The following DLGAP1 variants were observed in gnomAD, a reference collection of about 807,000 sequenced individuals.
DLGAP1 encodes the protein DLG associated protein 1, also known as disks large-associated protein 1.
Under a neutral mutation model 90.8 loss-of-function variants are expected in DLGAP1, and 11 were observed. The observed-to-expected ratio is 0.12, with a 90% CI of 0.08 to 0.20. The LOEUF is 0.20. Ranked by LOEUF, DLGAP1 falls within the 10% of genes least tolerant of loss-of-function variation. DLGAP1 has a pLI of 1.00. For synonymous variants in DLGAP1, 558 were observed against 540.7 expected, an observed-to-expected ratio of 1.03 and a Z score of -0.44; for missense variants, 1,050 against 1,333.8, an observed-to-expected ratio of 0.79 and a Z score of 3.31.
At chr18:4,048,067 G>A (rs1273912468) in intron 2 of DLGAP1, among the ~76,000 whole-genome samples, 2 of 152,070 alleles carry the variant, frequency 1.3e-5, no homozygotes, top group East Asian at 3.8e-4. Context: ...CAAAGTGCTG[G>A]GATTGCAGGC....
chr18:3,975,941 G>A (rs1286958419), intron 3 of DLGAP1, among the ~76,000 whole-genome samples: 2 of 152,128 alleles, frequency 1.3e-5, no homozygotes. Flanking sequence ...GGAAGTCAGT[G>A]TTTAAGGGGT....
chr18:4,415,357 T>C (rs771216818), intron 1 of DLGAP1, among the ~76,000 whole-genome samples: 23 of 152,170 alleles, frequency 1.5e-4, no homozygotes, highest in Non-Finnish European at 2.9e-4. Flanking sequence ...ACAATGTTTA[T>C]AAAATAAAAG....
intron 1 of DLGAP1, among the ~76,000 whole-genome samples, chr18:4,244,999 A>G (rs1053175753): frequency 2.0e-5 from 3 of 152,196 alleles, no homozygotes; most frequent in African/African-American, 7.2e-5. Flanking sequence ...TAAATATAGC[A>G]AGATTAAATC....
chr18:3,581,602 C>T (rs2055516058), intron 8 of DLGAP1, among the ~76,000 whole-genome samples: 1 of 150,488 alleles, frequency 6.6e-6, no homozygotes, highest in South Asian at 2.1e-4. Flanking sequence ...CCAGCCCCTA[C>T]TCCTCTTGGC....
chr18:3,585,957 G>T, intron 7 of DLGAP1, among the ~76,000 whole-genome samples: 1 of 152,182 alleles, frequency 6.6e-6, no homozygotes. Context: ...CTTGGGGACT[G>T]AGCCTCCAGT....
At chr18:3,525,163 T>A (rs2144277156) in intron 10 of DLGAP1, among the ~76,000 whole-genome samples, 2 of 152,088 alleles carry the variant, frequency 1.3e-5, no homozygotes, top group Middle Eastern at 6.8e-3. Flanking sequence ...TAATTTTAAT[T>A]TTTTTTTCCC....
chr18:4,140,639 G>A (rs2076480332), intron 2 of DLGAP1, among the ~76,000 whole-genome samples: 1 of 151,878 alleles, frequency 6.6e-6, no homozygotes, highest in African/African-American at 2.4e-5. Flanking sequence ...GGTGAGTTTT[G>A]CACCTTCAGG....
chr18:3,658,340 C>T (rs2078988529), intron 7 of DLGAP1, among the ~76,000 whole-genome samples: 1 of 152,140 alleles, frequency 6.6e-6, no homozygotes, highest in African/African-American at 2.4e-5. Flanking sequence ...ATGTCTGAAA[C>T]TGTAACGTCT....
chr18:4,341,464 G>A (rs2081186634), intron 1 of DLGAP1, among the ~76,000 whole-genome samples: 1 of 152,128 alleles, frequency 6.6e-6, no homozygotes, highest in Non-Finnish European at 1.5e-5. Context: ...TAATGTTTCA[G>A]TGGACCTTAA....
intron 1 of DLGAP1, among the ~76,000 whole-genome samples, chr18:4,269,169 T>C (rs1003718412): frequency 6.6e-6 from 1 of 151,610 alleles, no homozygotes; most frequent in African/African-American, 2.4e-5. Context: ...CAGTAAGATA[T>C]AGTAAATGTA....
In DLGAP1 at chr18:3,519,588, A is replaced by G. The variant is rs116002775; in HGVS notation, c.2480-10927T>C. ...CCTCCAAAATATATGTTGAAACTGA[A>G]TCCCCAAGGCAATAACAATAAGCGG... On this transcript the variant is annotated intron_variant, in intron 10 of 12. Coordinates refer to ENST00000315677, the MANE Select transcript of DLGAP1 (RefSeq NM_004746.4). Among the ~76,000 whole-genome samples, 695 of 152,344 alleles carry G rather than the reference A, an allele frequency of 4.6e-3. 6 individuals are homozygous for G. The highest frequency in any genetic ancestry group is 0.015 in the African/African-American group (607 of 41,572).
At chr18:3,895,770 G>T (rs893477395) in intron 3 of DLGAP1, 5 of 152,288 alleles carry the variant, frequency 3.3e-5, no homozygotes, top group African/African-American at 1.2e-4. Flanking sequence ...TTCATCCGCA[G>T]CACACAGGCC....
chr18:3,977,849 C>T lies in DLGAP1; in HGVS notation c.-73+27267G>A, dbSNP rs146646219. The T allele has an allele frequency of 2.3e-4, 92 of 392,384 alleles. No homozygotes were observed. In the Admixed American group the frequency reaches 2.4e-3, roughly 10 times the overall value. 24.3% of individuals were successfully genotyped at this position (392,384 alleles called of 1,614,324 possible). A position where few individuals can be genotyped will look rare whatever the true frequency, so the allele number is the denominator to read the frequency against. On this transcript the variant is annotated intron_variant, in intron 3 of 12. Transcript: ENST00000315677. Reference sequence around the variant, plus strand: ...TAGCCCAGGATGCCCTCAAGGGTCCCCTCTGATGCCTGCTTCACCACCTTC... The same window carrying T: ...TAGCCCAGGATGCCCTCAAGGGTCCTCTCTGATGCCTGCTTCACCACCTTC...
At chr18:3,751,861 ACTTCTTCTTCTT>A (rs376133799) in intron 5 of DLGAP1, among the ~76,000 whole-genome samples, 1 of 114,950 alleles carries the variant, frequency 8.7e-6, no homozygotes, top group Non-Finnish European at 1.8e-5. Context: ...CTGTGCCCGG[ACTTCTTCTTCTT>A]CTTCTTCTTC....
At chr18:3,846,760 C>T (rs1440455758) in intron 4 of DLGAP1, among the ~76,000 whole-genome samples, 3 of 152,066 alleles carry the variant, frequency 2.0e-5, no homozygotes, top group Admixed American at 2.0e-4. Flanking sequence ...TCTATAGGGA[C>T]AGAAAAGTAG....
chr18:4,320,588 C>T (rs2080658755), intron 1 of DLGAP1, among the ~76,000 whole-genome samples: 1 of 152,122 alleles, frequency 6.6e-6, no homozygotes, highest in African/African-American at 2.4e-5. Flanking sequence ...CCTGAGTCCC[C>T]TCATTCACTC....
intron 1 of DLGAP1, among the ~76,000 whole-genome samples, chr18:4,270,607 T>A (rs1484415869): frequency 6.6e-6 from 1 of 152,140 alleles, no homozygotes; most frequent in Non-Finnish European, 1.5e-5. Context: ...TTATTGAAAA[T>A]AAAGAACACT....
At chr18:4,421,713 T>A (rs959027064) in intron 1 of DLGAP1, among the ~76,000 whole-genome samples, 1 of 152,166 alleles carries the variant, frequency 6.6e-6, no homozygotes, top group Non-Finnish European at 1.5e-5. Context: ...TTAGTTTTTA[T>A]TTTTATTTTT....
intron 2 of DLGAP1, among the ~76,000 whole-genome samples, chr18:4,099,242 G>A (rs7505745): frequency 0.39 from 55,479 of 141,584 alleles, 10,801 homozygotes; most frequent in African/African-American, 0.54. Context: ...AAATAGATCT[G>A]TCTGTCTGTC....
Sources: gnomAD v4.1 joint callset for allele counts (sites outside exome capture counted in the v4.1 genomes callset) on GRCh38, gnomAD v4.1.1 for gene constraint, MANE v1.5 for transcripts, NCBI Gene and HGNC (gene_info 2026-07-23, HGNC 2026-07-21) for gene names.